The following PRIM2 variants were observed in gnomAD, a reference collection of about 807,000 sequenced individuals.
PRIM2 encodes DNA primase subunit 2.
PRIM2 carries 39 observed loss-of-function variants against 67.3 expected under a neutral mutation model. That is an observed-to-expected ratio of 0.58 (90% CI 0.45 to 0.76). The LOEUF (loss-of-function observed/expected upper bound fraction) is 0.76, where lower values mean the gene tolerates loss of function less well. Ranked by LOEUF, PRIM2 falls within the 30% of genes least tolerant of loss-of-function variation. The pLI is 0.00. For missense variants in PRIM2, 398 were observed against 598.7 expected (o/e 0.66, Z 3.50); for synonymous variants, 143 against 198.7 (o/e 0.72, Z 2.36).
At chr6:57,459,633 T>C (rs1772930059) in intron 7 of PRIM2, among the ~76,000 whole-genome samples, 2 of 152,300 alleles carry the variant, frequency 1.3e-5, no homozygotes, top group African/African-American at 4.8e-5. Flanking sequence ...AGTTGTAATC[T>C]TGAGTCTGAA....
At chr6:57,364,313 C>T (rs1437946958) in intron 5 of PRIM2, among the ~76,000 whole-genome samples, 1 of 152,006 alleles carries the variant, frequency 6.6e-6, no homozygotes, top group African/African-American at 2.4e-5. Flanking sequence ...CTCCCACAGC[C>T]TTTTTTCAGG....
chr6:57,408,950 C>T (rs1343253017), intron 7 of PRIM2, among the ~76,000 whole-genome samples: 3 of 152,128 alleles, frequency 2.0e-5, no homozygotes, highest in African/African-American at 7.2e-5. Flanking sequence ...CCCATCTCAG[C>T]CTCATCTATG....
intron 7 of PRIM2, among the ~76,000 whole-genome samples, chr6:57,460,464 A>T (rs1384615367): frequency 1.1e-4 from 17 of 152,240 alleles, no homozygotes; most frequent in African/African-American, 3.6e-4. Context: ...CATCAAAAGG[A>T]TATTATTCTG....
intron 10 of PRIM2, among the ~76,000 whole-genome samples, chr6:57,545,592 G>A (rs1327942261): frequency 6.6e-6 from 1 of 151,926 alleles, no homozygotes; most frequent in Non-Finnish European, 1.5e-5. Flanking sequence ...CACCAGGCCC[G>A]GCTAATTTTT....
chr6:57,477,234 C>T (rs1228163131), intron 7 of PRIM2, among the ~76,000 whole-genome samples: 4 of 152,144 alleles, frequency 2.6e-5, no homozygotes, highest in Admixed American at 6.5e-5. Context: ...CTCAAGCAGT[C>T]CTCCCACCTC....
chr6:57,642,484 C>T (rs1431120262), intron 13 of PRIM2, among the ~76,000 whole-genome samples: 2 of 122,704 alleles, frequency 1.6e-5, no homozygotes, highest in Non-Finnish European at 3.2e-5. Flanking sequence ...GCTCTGTCGC[C>T]CAGGCTGGAG....
chr6:57,224,411 G>A, the PRIM2 span, among the ~76,000 whole-genome samples: 1 of 152,162 alleles, frequency 6.6e-6, no homozygotes. Context: ...ACAGTTGGGG[G>A]GTGGGAAGTG....
At chr6:57,533,244 A>G (rs1309014237) in intron 9 of PRIM2, among the ~76,000 whole-genome samples, 2 of 152,016 alleles carry the variant, frequency 1.3e-5, no homozygotes, top group African/African-American at 4.8e-5. Context: ...ACTTTGCCAT[A>G]CTTGTAGAAT....
intron 5 of PRIM2, among the ~76,000 whole-genome samples, chr6:57,337,407 A>C (rs541074756): frequency 6.6e-6 from 1 of 151,648 alleles, no homozygotes; most frequent in East Asian, 1.9e-4. Context: ...CAGAATATAC[A>C]TTTTTTTCAG....
intron 10 of PRIM2, among the ~76,000 whole-genome samples, chr6:57,590,771 C>T: frequency 6.6e-6 from 1 of 152,260 alleles, no homozygotes; most frequent in South Asian, 2.1e-4. Context: ...AAGAGCCTGA[C>T]TAAAGTTTGG....
At chr6:57,516,645 T>G (rs1385364198) in intron 8 of PRIM2, among the ~76,000 whole-genome samples, 1 of 152,136 alleles carries the variant, frequency 6.6e-6, no homozygotes, top group Non-Finnish European at 1.5e-5. Flanking sequence ...TGTAATGAGG[T>G]TACATTATAG....
chr6:57,467,126 G>A (rs1258358688), intron 7 of PRIM2, among the ~76,000 whole-genome samples: 2,442 of 97,454 alleles, frequency 0.025, 68 homozygotes, highest in African/African-American at 0.074. Flanking sequence ...AAAAAGAAAA[G>A]AAAAAAAGAT....
At position 57,320,538 on chromosome 6, in the gene PRIM2, G is replaced by A. The variant is rs1230363301; in HGVS notation, c.236G>A (p.Arg79Gln). ...QYQSKLESELRKLKFSYRENL... is the reference protein window; with the variant it reads ...QYQSKLESELQKLKFSYRENL... ...CAGAGTAAGTTGGAGAGTGAGCTTCGGAAGCTCAAGTTTTCCTACAGAGTA... is the reference window on the plus strand; with the variant it reads ...CAGAGTAAGTTGGAGAGTGAGCTTCAGAAGCTCAAGTTTTCCTACAGAGTA... Residue 79 changes from arginine to glutamine, a missense_variant, in exon 3 of 14, where the codon CGG (arginine) becomes CAG (glutamine). Coordinates refer to ENST00000615550, the MANE Select transcript of PRIM2 (RefSeq NM_000947.5). The A allele has an allele frequency of 1.2e-6, 2 of 1,606,138 alleles. No homozygotes were observed. Among genetic ancestry groups the A allele is most frequent in the East Asian group, 2.2e-5 (1 of 44,796 alleles).
At chr6:57,507,858 T>G (rs1300493439) in intron 8 of PRIM2, among the ~76,000 whole-genome samples, 1 of 151,704 alleles carries the variant, frequency 6.6e-6, no homozygotes, top group African/African-American at 2.4e-5. Context: ...AAAATAAAGT[T>G]AGAAAATACA....
chr6:57,225,426 C>T, the PRIM2 span, among the ~76,000 whole-genome samples: 4 of 152,124 alleles, frequency 2.6e-5, no homozygotes, highest in African/African-American at 9.7e-5. Flanking sequence ...ATAATGAAAG[C>T]CTGCATGGAA....
upstream of PRIM2, among the ~76,000 whole-genome samples, chr6:57,312,089 G>A (rs981458968): frequency 6.7e-6 from 1 of 149,432 alleles, no homozygotes. Context: ...CTTTTCTACT[G>A]TTTTTTATTT....
chr6:57,439,482 C>G (rs62401716), intron 7 of PRIM2, among the ~76,000 whole-genome samples: 15 of 134,344 alleles, frequency 1.1e-4, no homozygotes, highest in African/African-American at 4.1e-4. Context: ...GTGGCACCAT[C>G]ACGGCTCACT....
chr6:57,476,652 T>C (rs1773483845), intron 7 of PRIM2, among the ~76,000 whole-genome samples: 1 of 152,248 alleles, frequency 6.6e-6, no homozygotes, highest in African/African-American at 2.4e-5. Flanking sequence ...AGATGTATAC[T>C]TATAGTACTC....
rs1428140580 is a variant in PRIM2 at position 57,568,661 on chromosome 6, T to C, written c.1020+31036T>C. Among the ~76,000 whole-genome samples, 566 of 152,326 alleles carry C rather than the reference T, an allele frequency of 3.7e-3. 1 individual carries two copies. Among genetic ancestry groups the C allele is most frequent in the Middle Eastern group, 0.014 (4 of 294 alleles). ...GAAAATGTATAGAAAATTCTATTCT[T>C]ACAAAGATATTAAGGGAATAATAAA... On this transcript the variant is annotated intron_variant, in intron 10 of 13. Coordinates refer to ENST00000615550, the MANE Select transcript of PRIM2 (RefSeq NM_000947.5).
Sources: gnomAD v4.1 joint callset for allele counts (sites outside exome capture counted in the v4.1 genomes callset) on GRCh38, gnomAD v4.1.1 for gene constraint, MANE v1.5 for transcripts, NCBI Gene and HGNC (gene_info 2026-07-23, HGNC 2026-07-21) for gene names.